Variants in TSHZ2 observed in about 807,000 individuals in gnomAD.
The protein encoded by TSHZ2 is teashirt homolog 2.
Under a neutral mutation model 74.4 loss-of-function variants are expected in TSHZ2, and 21 were observed. The ratio of observed to expected loss-of-function variants is 0.28; its 90% CI spans 0.20 to 0.41. The LOEUF (loss-of-function observed/expected upper bound fraction) is 0.41, where lower values mean the gene tolerates loss of function less well. TSHZ2 is among the 10% of genes least tolerant of loss of function. TSHZ2 has a pLI of 1.00. For missense variants in TSHZ2, 1,244 were observed against 1,293.5 expected (o/e 0.96, Z 0.59); for synonymous variants, 540 against 515.3 (o/e 1.05, Z -0.65).
At chr20:53,089,910 T>C (rs1985825260) in intron 1 of TSHZ2, among the ~76,000 whole-genome samples, 1 of 152,190 alleles carries the variant, frequency 6.6e-6, no homozygotes, top group Non-Finnish European at 1.5e-5. Flanking sequence ...AAGAGGAGTT[T>C]ATTAGGAGAA....
chr20:53,455,395 C>A (rs1985019135), intron 2 of TSHZ2: 1 of 152,050 alleles, frequency 6.6e-6, no homozygotes, highest in African/African-American at 2.4e-5. Flanking sequence ...AGTAATGGGC[C>A]TGAAGCAAAT....
intron 1 of TSHZ2, among the ~76,000 whole-genome samples, chr20:53,083,744 G>T (rs1237227829): frequency 6.6e-6 from 1 of 152,130 alleles, no homozygotes; most frequent in Non-Finnish European, 1.5e-5. Flanking sequence ...AAGACTAAAA[G>T]CAAATGAGAT....
At position 53,488,899 on chromosome 20, in the gene TSHZ2, T is replaced by C; in HGVS notation, c.*1764T>C. The C allele has an allele frequency of 2.3e-6, 1 of 439,006 alleles. No homozygotes were observed. Among genetic ancestry groups the C allele is most frequent in the Non-Finnish European group, 4.6e-6 (1 of 217,226 alleles). The allele number at this position is 439,006 out of a possible 1,614,324, so 27.2% of individuals were successfully genotyped here. Reference sequence around the variant, plus strand: ...AGTGTTGCCCTTATGCCACATATAATAGCAAATTGCTTTTTTTATGGCATG... The same window carrying C: ...AGTGTTGCCCTTATGCCACATATAACAGCAAATTGCTTTTTTTATGGCATG... On this transcript the variant is annotated 3_prime_UTR_variant, in exon 3 of 3. Coordinates refer to ENST00000371497, the MANE Select transcript of TSHZ2 (RefSeq NM_173485.6).
chr20:53,132,859 A>C (rs1987141994), intron 1 of TSHZ2, among the ~76,000 whole-genome samples: 2 of 151,968 alleles, frequency 1.3e-5, no homozygotes, highest in South Asian at 4.2e-4. Flanking sequence ...CCTCTGGCTT[A>C]CCTCTGACAT....
chr20:53,045,993 C>T (rs1052593587), intron 1 of TSHZ2, among the ~76,000 whole-genome samples: 7 of 152,168 alleles, frequency 4.6e-5, no homozygotes, highest in South Asian at 2.1e-4. Context: ...TCAAAAGGGT[C>T]GGCTCAGAAG....
Position 53,255,543 on chromosome 20 carries a change from C to T in TSHZ2, c.2085C>T (p.Leu695=), listed in dbSNP as rs1266767646. ...HAPALPCINP[L]SALQSVLNNH... ...CGGCCCTGCCATGCATCAACCCACT[C>T]AGCGCCCTGCAGTCCGTCCTGAACA... The change falls in exon 2 of 3, where the codon CTC becomes CTT. Residue 695 remains leucine, a synonymous_variant. Coordinates refer to ENST00000371497, the MANE Select transcript of TSHZ2 (RefSeq NM_173485.6). This position sits in a 1 kb window ranked among gnomAD's most constrained non-coding sequence, Gnocchi z 4.1. The T allele has an allele frequency of 6.3e-7, 1 of 1,584,290 alleles. No homozygotes were observed. The highest frequency in any genetic ancestry group is 1.2e-5 in the South Asian group (1 of 85,614).
intron 2 of TSHZ2, among the ~76,000 whole-genome samples, chr20:53,358,398 T>G (rs189388309): frequency 2.4e-4 from 32 of 131,878 alleles, no homozygotes; most frequent in Admixed American, 1.4e-3. Context: ...TGGAGTGCAG[T>G]GGCAGGATCT....
intron 1 of TSHZ2, among the ~76,000 whole-genome samples, chr20:53,009,657 CT>C (rs11477237): frequency 0.018 from 2,807 of 152,220 alleles, 50 homozygotes; most frequent in East Asian, 0.086. Context: ...TCAATGTTAA[CT>C]TTTTTAGCCC....
intron 1 of TSHZ2, among the ~76,000 whole-genome samples, chr20:53,096,403 A>G (rs1986048163): frequency 6.6e-6 from 1 of 152,148 alleles, no homozygotes; most frequent in African/African-American, 2.4e-5. Context: ...TAAGCCTCCC[A>G]AAGTGCTGGG....
At chr20:53,119,973 A>ATGTTT (rs1216770868) in intron 1 of TSHZ2, among the ~76,000 whole-genome samples, 1 of 152,132 alleles carries the variant, frequency 6.6e-6, no homozygotes, top group African/African-American at 2.4e-5. Context: ...TGAGGTGCCT[A>ATGTTT]TGTTTTGTTT....
At chr20:53,247,748 C>T (rs938085851) in intron 1 of TSHZ2, among the ~76,000 whole-genome samples, 12 of 152,182 alleles carry the variant, frequency 7.9e-5, no homozygotes, top group African/African-American at 2.7e-4. Flanking sequence ...TTGGCGAAAA[C>T]GATCCTGTCA....
intron 2 of TSHZ2, among the ~76,000 whole-genome samples, chr20:53,352,927 T>C (rs1980709529): frequency 6.6e-6 from 1 of 152,180 alleles, no homozygotes; most frequent in Non-Finnish European, 1.5e-5. Context: ...CCAGTAAATG[T>C]CATCTTCCTC....
At chr20:53,240,694 G>A (rs959059782) in intron 1 of TSHZ2, among the ~76,000 whole-genome samples, 2 of 149,612 alleles carry the variant, frequency 1.3e-5, no homozygotes, top group Non-Finnish European at 1.5e-5. Context: ...CAATAAACTC[G>A]ACTGTGCATT....
At chr20:52,998,388 C>A (rs1389253199) in intron 1 of TSHZ2, among the ~76,000 whole-genome samples, 1 of 152,112 alleles carries the variant, frequency 6.6e-6, no homozygotes, top group Non-Finnish European at 1.5e-5. Context: ...AGGCTGGTCT[C>A]GAATTCCTGA....
chr20:53,213,688 C>T (rs1330587959), intron 1 of TSHZ2, among the ~76,000 whole-genome samples: 1 of 126,312 alleles, frequency 7.9e-6, no homozygotes, highest in Non-Finnish European at 1.6e-5. Flanking sequence ...ATTTAATAAA[C>T]TAATTGGACT....
At chr20:53,410,270 G>T (rs920815345) in intron 2 of TSHZ2, among the ~76,000 whole-genome samples, 8 of 152,014 alleles carry the variant, frequency 5.3e-5, no homozygotes, top group Non-Finnish European at 1.5e-5. Context: ...TCAGGCCATG[G>T]GCTCTCCCCT....
chr20:53,485,330 G>A (rs542611336), intron 2 of TSHZ2, among the ~76,000 whole-genome samples: 5 of 152,312 alleles, frequency 3.3e-5, no homozygotes, highest in Admixed American at 3.3e-4. Flanking sequence ...TTCTACAGCT[G>A]TTTATACTGA....
At chr20:53,079,968 AGTT>A (rs755251933) in intron 1 of TSHZ2, among the ~76,000 whole-genome samples, 69 of 152,244 alleles carry the variant, frequency 4.5e-4, no homozygotes, top group African/African-American at 1.7e-3. Flanking sequence ...AGTCTCTTCA[AGTT>A]GTTGTTGCCC....
At chr20:52,991,550 T>C (rs1024443969) in intron 1 of TSHZ2, among the ~76,000 whole-genome samples, 1 of 150,564 alleles carries the variant, frequency 6.6e-6, no homozygotes, top group Non-Finnish European at 1.5e-5. Context: ...ATGTTGTGGG[T>C]ATTAGTGTGT....
Sources: gnomAD v4.1 joint callset for allele counts (sites outside exome capture counted in the v4.1 genomes callset) on GRCh38, gnomAD v4.1.1 for gene constraint, Gnocchi (gnomAD v3.1) non-coding constraint, MANE v1.5 for transcripts, NCBI Gene and HGNC (gene_info 2026-07-23, HGNC 2026-07-21) for gene names.